The following ACE variants were observed in gnomAD, a reference collection of about 807,000 sequenced individuals.
The protein encoded by ACE is angiotensin I converting enzyme.
A neutral mutation model predicts 162.3 loss-of-function variants in ACE; 122 were observed. That is an observed-to-expected ratio of 0.75 (90% CI 0.65 to 0.87). ACE has a LOEUF of 0.87. Ranked by LOEUF, ACE falls within the 40% of genes least tolerant of loss-of-function variation. The pLI is 0.00. For synonymous variants in ACE, 796 were observed against 720.6 expected, an observed-to-expected ratio of 1.10 and a Z score of -1.68; for missense variants, 1,799 against 1,735.1, an observed-to-expected ratio of 1.04 and a Z score of -0.65.
chr17:63,496,960 G>T lies in ACE; in HGVS notation c.3666G>T (p.Pro1222=), dbSNP rs111576990. The T allele has an allele frequency of 4.3e-6, 7 of 1,612,252 alleles. No individual in the cohort carries two copies. The African/African-American group carries it at 6.7e-5, about 15-fold the overall frequency. ...NELHGEKLGW[P]QYNWTPNSAR... is the part of the protein sequence containing the mutation. ...TGCATGGGGAGAAGCTGGGCTGGCC[G>T]CAGTACAACTGGACGCCGAACTCCG... is the stretch of plus-strand genomic sequence containing the variant. The change falls in exon 24 of 25, where the codon CCG becomes CCT. Residue 1222 remains proline, a synonymous_variant. Coordinates refer to ENST00000290866, the MANE Select transcript of ACE (RefSeq NM_000789.4).
At position 63,493,656 on chromosome 17, in the gene ACE, G is replaced by A. The variant is rs140980792; in HGVS notation, c.3133G>A (p.Asp1045Asn). 64 of 1,614,006 alleles carry A rather than the reference G, an allele frequency of 4.0e-5. 1 individual carries two copies. In the South Asian group the frequency reaches 5.3e-4, roughly 13 times the overall value. ...CCTGCTGAGCAGTGAGGGTGGCAGC[G>A]ACGGTGAGAGAGAAGCGGGAGGCCC... is the stretch of plus-strand genomic sequence containing the variant. ...LNLLSSEGGS[D>N]EHDINFLMKM... Residue 1045 changes from aspartate to asparagine, a missense_variant, in exon 20 of 25, where the codon GAC becomes AAC. Asp to Asn is a conservative substitution (Grantham distance 23). Transcript: ENST00000290866.
rs548029709 is a variant in ACE at position 63,497,923 on chromosome 17, G to A, written c.*557G>A. On this transcript the variant is annotated 3_prime_UTR_variant, in exon 25 of 25. Transcript: ENST00000290866. Reference sequence around the variant, plus strand: ...GCCTCACATTTCCACTGGCAGTGGAGCCTTTCCCTGCTCCACAAATGGCCA... The same window carrying A: ...GCCTCACATTTCCACTGGCAGTGGAACCTTTCCCTGCTCCACAAATGGCCA... 1 of 216,128 alleles carries A rather than the reference G, an allele frequency of 4.6e-6. No homozygotes were observed. The highest frequency in any genetic ancestry group is 6.7e-5 in the South Asian group (1 of 14,868). The allele number at this position is 216,128 out of a possible 1,614,324, so 13.4% of individuals were successfully genotyped here.
At position 63,484,183 on chromosome 17, in the gene ACE, C is replaced by CA; in HGVS notation, c.1710-146dup. 2 of 1,223,364 alleles carry CA rather than the reference C, an allele frequency of 1.6e-6. No homozygotes were observed. Among genetic ancestry groups the CA allele is most frequent in the South Asian group, 2.7e-5 (2 of 74,942 alleles). 75.8% of individuals were successfully genotyped at this position (1,223,364 alleles called of 1,614,324 possible). A position where few individuals can be genotyped will look rare whatever the true frequency, so the allele number is the denominator to read the frequency against. On this transcript the variant is annotated intron_variant, in intron 11 of 24. Transcript: ENST00000290866. The surrounding 1 kb of genome is among the most constrained non-coding windows in gnomAD (Gnocchi z 4.0). ...CGACACAAATGCCCCCTGCCACCAT[C>CA]AGAGAGATCCCAGGCCCCAGGGTCT...
rs746343783 is a variant in ACE, at chr17:63,483,054, A to G, written c.1368A>G (p.Lys456=). 1 of 1,614,146 alleles carries G rather than the reference A, an allele frequency of 6.2e-7. No individual in the cohort carries two copies. Among genetic ancestry groups the G allele is most frequent in the South Asian group, 1.1e-5 (1 of 91,078 alleles). The part of the protein sequence containing the change: ...DTESDINYLL[K]MALEKIAFLP... ...AAAGTGACATCAATTACTTGCTAAAAATGGCACTGGAAAAAATTGCCTTCC... is the reference window on the plus strand; with the variant it reads ...AAAGTGACATCAATTACTTGCTAAAGATGGCACTGGAAAAAATTGCCTTCC... The change falls in exon 9 of 25, where the codon AAA becomes AAG. Residue 456 remains lysine (K), a synonymous_variant. Transcript: ENST00000290866.
Position 63,479,067 on chromosome 17 carries a change from A to C in ACE, c.478A>C (p.Asn160His), listed in dbSNP as rs768220716. Reference protein sequence around the residue: ...IYSTAKVCLPNKTATCWSLDP... With the variant: ...IYSTAKVCLPHKTATCWSLDP... ...CTCCACCGCCAAGGTCTGCCTCCCC[A>C]ACAAGACTGCCACCTGCTGGTCCCT... The change falls in exon 3 of 25, where the codon AAC becomes CAC. Residue 160 changes from asparagine to histidine, a missense_variant. Coordinates refer to ENST00000290866, the MANE Select transcript of ACE (RefSeq NM_000789.4). The C allele has an allele frequency of 3.7e-6, 6 of 1,613,040 alleles. No individual in the cohort carries two copies. In the African/African-American group the frequency reaches 8.0e-5, roughly 22 times the overall value.
chr17:63,486,810 G>A (rs1568041649), intron 14 of ACE, 95 bp downstream of exon 14: 14 of 1,547,256 alleles, frequency 9.0e-6, no homozygotes, highest in Non-Finnish European at 1.2e-5. Context: ...CCTCTTCCTC[G>A]TTGTATCAAG....
Position 63,480,366 on chromosome 17 carries a change from T to C in ACE, c.685T>C (p.Ser229Pro). The C allele has an allele frequency of 4.3e-6, 7 of 1,614,012 alleles. No homozygotes were observed. The highest frequency in any genetic ancestry group is 2.2e-5 in the East Asian group (1 of 44,872). ...GFTDTGAYWR[S>P]WYNSPTFEDD... ...CACAGACACGGGGGCCTACTGGCGC[T>C]CCTGGTACAACTCCCCCACCTTCGA... The change falls in exon 5 of 25, where the codon TCC (serine) becomes CCC (proline). Residue 229 changes from serine to proline, a missense_variant. By Grantham distance (74) the Ser-to-Pro change is moderately conservative. Coordinates refer to ENST00000290866, the MANE Select transcript of ACE (RefSeq NM_000789.4).
intron 23 of ACE, 69 bp downstream of exon 23, chr17:63,496,585 C>G (rs1416975893): frequency 6.2e-7 from 1 of 1,611,286 alleles, no homozygotes; most frequent in African/African-American, 1.3e-5. Context: ...AGGGGTCTGT[C>G]CACTGGAGCT....
chr17:63,479,019 C>T lies in ACE; in HGVS notation c.430C>T (p.Leu144=). ...TCTGACTCCCCAGTACAACGCCCTG[C>T]TAAGCAACATGAGCAGGATCTACTC... is the stretch of plus-strand genomic sequence containing the variant. The part of the protein sequence containing the change: ...LAKRQQYNAL[L]SNMSRIYSTA... The change falls in exon 3 of 25, where the codon CTA becomes TTA. Residue 144 remains leucine, a synonymous_variant. Transcript: ENST00000290866. The T allele has an allele frequency of 6.2e-7, 1 of 1,613,648 alleles. No individual in the cohort carries two copies. The highest frequency in any genetic ancestry group is 2.2e-5 in the East Asian group (1 of 44,854).
At chr17:63,481,944 C>G (rs1301902805) in intron 7 of ACE, among the ~76,000 whole-genome samples, 4 of 152,168 alleles carry the variant, frequency 2.6e-5, no homozygotes, top group Non-Finnish European at 5.9e-5. Context: ...ATAGTCACTT[C>G]TATACCTTGG....
chr17:63,479,039 C>G lies in ACE; in HGVS notation c.450C>G (p.Ile150Met), dbSNP rs1370591668. The G allele has an allele frequency of 1.9e-6, 3 of 1,613,664 alleles. No homozygotes were observed. The highest frequency in any genetic ancestry group is 1.7e-6 in the Non-Finnish European group (2 of 1,179,886). ...YNALLSNMSR[I>M]YSTAKVCLPN... Reference sequence around the variant, plus strand: ...CCCTGCTAAGCAACATGAGCAGGATCTACTCCACCGCCAAGGTCTGCCTCC... The same window carrying G: ...CCCTGCTAAGCAACATGAGCAGGATGTACTCCACCGCCAAGGTCTGCCTCC... The change falls in exon 3 of 25, where the codon ATC becomes ATG. Residue 150 changes from isoleucine to methionine, a missense_variant. Physicochemically the swap from Ile to Met is conservative, Grantham distance 10. Transcript: ENST00000290866.
At chr17:63,482,368 C>T (rs1051153259) in intron 7 of ACE, 98 bp from the exon 8 acceptor site, 10 of 1,102,676 alleles carry the variant, frequency 9.1e-6, no homozygotes, top group Non-Finnish European at 1.4e-5. Context: ...GCAGCTCCCT[C>T]CTCATTCCTG....
At position 63,477,854 on chromosome 17, in the gene ACE, C is replaced by T. The variant is rs971056827; in HGVS notation, c.250-77C>T. On this transcript the variant is annotated intron_variant, in intron 1 of 24. Transcript: ENST00000290866. ...AGCCCTTGGCCTTCCTCCCCTCCCCCAGCACCGTGGCTTCTCCTTTATGGC... is the reference window on the plus strand; with the variant it reads ...AGCCCTTGGCCTTCCTCCCCTCCCCTAGCACCGTGGCTTCTCCTTTATGGC... 1.2e-5 allele frequency: 19 copies of T among 1,538,052 alleles called. No homozygotes were observed. In the African/African-American group the frequency reaches 2.5e-4, roughly 20 times the overall value.
intron 13 of ACE, chr17:63,486,197 T>G: frequency 2.9e-6 from 1 of 348,202 alleles, no homozygotes; most frequent in South Asian, 2.7e-5. Context: ...CTTGCAAAAT[T>G]GGTGAGCTTA....
Position 63,497,762 on chromosome 17 carries a change from C to T in ACE, c.*396C>T, listed in dbSNP as rs2030863142. ...GGGGAGGATCCCCAGAGCTCTGCCC[C>T]AGCACCTCCTGGCGCTGGCGCCTGT... is the stretch of plus-strand genomic sequence containing the variant. On this transcript the variant is annotated 3_prime_UTR_variant, in exon 25 of 25. Transcript: ENST00000290866. 2.5e-6 allele frequency: 1 copy of T among 397,638 alleles called. No individual in the cohort carries two copies. The highest frequency in any genetic ancestry group is 3.8e-5 in the Admixed American group (1 of 26,408). The allele number at this position is 397,638 out of a possible 1,614,324, so 24.6% of individuals were successfully genotyped here.
At chr17:63,481,421 G>A (rs1250182944) in intron 6 of ACE, 145 bp from the exon 7 acceptor site, 2 of 959,424 alleles carry the variant, frequency 2.1e-6, no homozygotes, top group African/African-American at 3.2e-5. Context: ...TGCTGTGGGA[G>A]TGAGGGCCCT....
Position 63,477,094 on chromosome 17 carries a change from C to G in ACE, c.-1C>G, listed in dbSNP as rs887305522. On this transcript the variant is annotated 5_prime_UTR_variant, in exon 1 of 25. Transcript: ENST00000290866. ...CAGAGCCGAGCACCGCGCACCGCGT[C>G]ATGGGGGCCGCCTCGGGCCGCCGGG... The G allele has an allele frequency of 1.5e-6, 2 of 1,308,514 alleles. No homozygotes were observed. The highest frequency in any genetic ancestry group is 3.1e-5 in the African/African-American group (2 of 63,986). 81.1% of individuals were successfully genotyped at this position (1,308,514 alleles called of 1,614,324 possible). A position where few individuals can be genotyped will look rare whatever the true frequency, so the allele number is the denominator to read the frequency against.
rs749893084 is a variant in ACE at position 63,484,002 on chromosome 17, G to A, written c.1709+31G>A. 3 of 1,598,264 alleles carry A rather than the reference G, an allele frequency of 1.9e-6. No individual in the cohort carries two copies. Among genetic ancestry groups the A allele is most frequent in the Non-Finnish European group, 2.6e-6 (3 of 1,172,928 alleles). On this transcript the variant is annotated intron_variant, in intron 11 of 24. Transcript: ENST00000290866. The surrounding 1 kb of genome is among the most constrained non-coding windows in gnomAD (Gnocchi z 4.0). ...TGGTGGGAAGCCGGGGGAAGTGGGA[G>A]GCAGAGAGGAGCGGCTGGCAAAGGG...
chr17:63,485,134 AG>A (rs1177797370), intron 12 of ACE, 101 bp from the exon 13 acceptor site: 2 of 1,582,532 alleles, frequency 1.3e-6, no homozygotes, highest in African/African-American at 2.7e-5. Context: ...GGGACAGGGC[AG>A]GGTACAAGGG....
Sources: allele counts gnomAD v4.1 joint callset (sites outside exome capture counted in the v4.1 genomes callset), GRCh38; gene constraint gnomAD v4.1.1; non-coding constraint Gnocchi (gnomAD v3.1); transcripts MANE v1.5; gene names NCBI Gene and HGNC (gene_info 2026-07-23, HGNC 2026-07-21).